SLC35D1: variants seen among roughly 807,000 people sequenced by gnomAD.
SLC35D1 encodes nucleotide sugar transporter SLC35D1.
SLC35D1 carries 31 observed loss-of-function variants against 46.7 expected under a neutral mutation model. The observed-to-expected ratio is 0.66, with a 90% CI of 0.50 to 0.90. The LOEUF is 0.90. Ranked by LOEUF, SLC35D1 falls within the 40% of genes least tolerant of loss-of-function variation. The pLI is 0.00. For missense variants in SLC35D1, 397 were observed against 426.2 expected (o/e 0.93, Z 0.60); for synonymous variants, 195 against 164.6 (o/e 1.18, Z -1.41).
the SLC35D1 span, among the ~76,000 whole-genome samples, chr1:66,973,631 T>A: frequency 6.6e-6 from 1 of 152,090 alleles, no homozygotes; most frequent in Non-Finnish European, 1.5e-5. Flanking sequence ...TTAATTCTTA[T>A]AACTGAAATT....
chr1:66,983,427 A>G, the SLC35D1 span, among the ~76,000 whole-genome samples: 5 of 152,200 alleles, frequency 3.3e-5, no homozygotes, highest in Non-Finnish European at 5.9e-5. Context: ...TTTATGCCGA[A>G]TATTTTTCAA....
chr1:66,978,571 C>T, the SLC35D1 span, among the ~76,000 whole-genome samples: 1 of 152,090 alleles, frequency 6.6e-6, no homozygotes. Context: ...GATACAGCAT[C>T]TAGTCTGCAG....
chr1:67,019,008 A>G (rs1443425964), intron 10 of SLC35D1, among the ~76,000 whole-genome samples: 1 of 152,218 alleles, frequency 6.6e-6, no homozygotes, highest in Admixed American at 6.5e-5. Context: ...CCCTGGAATG[A>G]GTAAATCCAT....
chr1:66,974,885 T>C, the SLC35D1 span, among the ~76,000 whole-genome samples: 1 of 152,196 alleles, frequency 6.6e-6, no homozygotes, highest in Non-Finnish European at 1.5e-5. Flanking sequence ...TTTTTCATAA[T>C]CTTAACTTTG....
chr1:67,052,246 T>C (rs1177496413), intron 3 of SLC35D1, among the ~76,000 whole-genome samples, 167 bp from the exon 4 acceptor site: 2 of 152,224 alleles, frequency 1.3e-5, no homozygotes, highest in East Asian at 3.9e-4. Flanking sequence ...ACAAAACTTA[T>C]GCTTGGATAA....
At chr1:67,021,700 G>GACACACACACACACAC (rs1178697044) in intron 8 of SLC35D1, 98 bp from the exon 9 acceptor site, 4 of 176,996 alleles carry the variant, frequency 2.3e-5, no homozygotes, top group African/African-American at 1.2e-4. Context: ...CTCCAACACA[G>GACACACACACACACAC]ACACAGACAC....
intron 6 of SLC35D1, among the ~76,000 whole-genome samples, chr1:67,048,228 C>A (rs1486635295): frequency 6.6e-6 from 1 of 152,202 alleles, no homozygotes; most frequent in Non-Finnish European, 1.5e-5. Context: ...GGTCTGAGTT[C>A]CCTTCCTTTC....
At position 67,009,150 on chromosome 1, in the gene SLC35D1, A is replaced by G. The variant is rs145370126; in HGVS notation, c.894T>C (p.Tyr298=). 6 of 1,415,800 alleles carry G rather than the reference A, an allele frequency of 4.2e-6. No homozygotes were observed. The highest frequency in any genetic ancestry group is 1.4e-5 in the African/African-American group (1 of 70,502). The allele number at this position is 1,415,800 out of a possible 1,614,324, so 87.7% of individuals were successfully genotyped here. ...AATCTCCACCAAAGACCATTCCAATATAAGTTATTAATATATTCTAAAAAT... is the reference window on the plus strand; with the variant it reads ...AATCTCCACCAAAGACCATTCCAATGTAAGTTATTAATATATTCTAAAAAT... The part of the protein sequence containing the change: ...VGCIKNILIT[Y]IGMVFGGDYI... Residue 298 remains tyrosine, a synonymous_variant, in exon 11 of 12, where the codon TAT becomes TAC. Transcript: ENST00000235345.
chr1:66,973,069 T>C, the SLC35D1 span: 3 of 763,590 alleles, frequency 3.9e-6, no homozygotes, highest in South Asian at 1.6e-5. Flanking sequence ...TAATTTGTTA[T>C]ATTGTCTAGT....
chr1:67,022,915 C>A (rs1454196184), intron 8 of SLC35D1, among the ~76,000 whole-genome samples: 2 of 152,198 alleles, frequency 1.3e-5, no homozygotes, highest in East Asian at 3.8e-4. Flanking sequence ...CAATTTCCTA[C>A]AAGTGGAATT....
At chr1:67,021,914 T>C (rs1262459391) in intron 8 of SLC35D1, among the ~76,000 whole-genome samples, 1 of 152,216 alleles carries the variant, frequency 6.6e-6, no homozygotes, top group African/African-American at 2.4e-5. Context: ...GCAAAGAAAC[T>C]GGTATTTCCT....
At chr1:67,020,494 A>C in intron 9 of SLC35D1, 47 bp from the exon 10 acceptor site, 1 of 1,310,660 alleles carries the variant, frequency 7.6e-7, no homozygotes, top group Non-Finnish European at 1.1e-6. Context: ...ACTTTATACT[A>C]ATCTCTAGCC....
chr1:66,972,984 C>T, the SLC35D1 span: 1 of 1,581,414 alleles, frequency 6.3e-7, no homozygotes, highest in East Asian at 2.2e-5. Context: ...TTGATTCAGG[C>T]TAATAAAGTA....
chr1:67,046,727 ATATT>A (rs1411833401), intron 7 of SLC35D1, among the ~76,000 whole-genome samples: 3 of 152,230 alleles, frequency 2.0e-5, no homozygotes, highest in Non-Finnish European at 4.4e-5. Context: ...TAAAAATAAT[ATATT>A]TAAAGTATAT....
At position 67,001,339 on chromosome 1, in the gene SLC35D1, C is replaced by A. The variant is rs1667336365; in HGVS notation, c.*3001G>T. 1 of 152,172 alleles carries A rather than the reference C, an allele frequency of 6.6e-6. No individual in the cohort carries two copies. The highest frequency in any genetic ancestry group is 6.6e-5 in the Admixed American group (1 of 15,266). The allele number at this position is 152,172 out of a possible 1,614,324, so 9.4% of individuals were successfully genotyped here. A position where few individuals can be genotyped will look rare whatever the true frequency, so the allele number is the denominator to read the frequency against. On this transcript the variant is annotated 3_prime_UTR_variant, in exon 12 of 12. Coordinates refer to ENST00000235345, the MANE Select transcript of SLC35D1 (RefSeq NM_015139.3). Reference sequence around the variant, plus strand: ...TTTAAAAAAAAAAACTAGGTGCAAACTGGAGCCTACAAATGATTGACTCAT... The same window carrying A: ...TTTAAAAAAAAAAACTAGGTGCAAAATGGAGCCTACAAATGATTGACTCAT...
intron 10 of SLC35D1, among the ~76,000 whole-genome samples, chr1:67,013,186 T>G (rs1191134655): frequency 1.1e-4 from 1 of 8,938 alleles, no homozygotes; most frequent in Admixed American, 1.2e-3. Context: ...CTTAAATTTT[T>G]TTTCAGTAGA....
At chr1:67,041,390 A>C (rs1323749537) in intron 8 of SLC35D1, among the ~76,000 whole-genome samples, 1 of 152,200 alleles carries the variant, frequency 6.6e-6, no homozygotes, top group Non-Finnish European at 1.5e-5. Context: ...CCTTTGGTTC[A>C]AGAACAATTT....
the SLC35D1 span, among the ~76,000 whole-genome samples, chr1:66,978,849 G>C: frequency 1.3e-5 from 2 of 152,140 alleles, no homozygotes; most frequent in Non-Finnish European, 2.9e-5. Flanking sequence ...GTAGGGATGT[G>C]CCACCAAATG....
At chr1:67,044,327 C>A (rs1440120743) in intron 7 of SLC35D1, among the ~76,000 whole-genome samples, 3 of 96,362 alleles carry the variant, frequency 3.1e-5, no homozygotes, top group South Asian at 4.0e-4. Context: ...AGTGAGACTC[C>A]ATCTGAAAAA....
Sources: allele counts gnomAD v4.1 joint callset (sites outside exome capture counted in the v4.1 genomes callset), GRCh38; gene constraint gnomAD v4.1.1; transcripts MANE v1.5; gene names NCBI Gene and HGNC (gene_info 2026-07-23, HGNC 2026-07-21).